The following NCEH1 variants were observed in gnomAD, a reference collection of about 807,000 sequenced individuals.
The protein encoded by NCEH1 is 2-acetyl MAGE hydrolase.
Under a neutral mutation model 25.4 loss-of-function variants are expected in NCEH1, and 9 were observed. The ratio of observed to expected loss-of-function variants is 0.35; its 90% CI spans 0.21 to 0.62. The LOEUF (loss-of-function observed/expected upper bound fraction) is 0.62. Ranked by LOEUF, NCEH1 falls within the 20% of genes least tolerant of loss-of-function variation. NCEH1 has a pLI of 0.72. For missense variants in NCEH1, 412 were observed against 501.1 expected (o/e 0.82, Z 1.70); for synonymous variants, 200 against 199.8 (o/e 1.00, Z -0.01).
At chr3:172,654,303 T>C (rs11922092) in intron 1 of NCEH1, among the ~76,000 whole-genome samples, 7,926 of 152,206 alleles carry the variant, frequency 0.052, 380 homozygotes, top group African/African-American at 0.13. Context: ...ATGGAAGTAA[T>C]TATACACATG....
chr3:172,633,464 G>T lies in NCEH1; in HGVS notation c.*11C>A. ...CAAGAGGGGCTCGAGGCTTCTGGAAGTTTTGCTCCTTTACAGGTTTTGATC... is the reference window on the plus strand; with the variant it reads ...CAAGAGGGGCTCGAGGCTTCTGGAATTTTTGCTCCTTTACAGGTTTTGATC... On this transcript the variant is annotated 3_prime_UTR_variant, in exon 5 of 5. Transcript: ENST00000475381. The T allele has an allele frequency of 6.2e-7, 1 of 1,607,354 alleles. No individual in the cohort carries two copies. Among genetic ancestry groups the T allele is most frequent in the South Asian group, 1.1e-5 (1 of 90,322 alleles).
At position 172,710,919 on chromosome 3, in the gene NCEH1, C is replaced by A. The variant is rs373957412; in HGVS notation, c.66G>T (p.Pro22=). 46 of 1,614,064 alleles carry A rather than the reference C, an allele frequency of 2.8e-5. No homozygotes were observed. Among genetic ancestry groups the A allele is most frequent in the Non-Finnish European group, 3.6e-5 (43 of 1,179,976 alleles). Residue 22 remains proline (P), a synonymous_variant, in exon 1 of 5, where the codon CCG becomes CCT. Coordinates refer to ENST00000475381, the MANE Select transcript of NCEH1 (RefSeq NM_020792.6). ...VALAAYYVYI[P]LPGSVSDPWK... ...AGGGGTCGGACACGGAGCCAGGCAG[C>A]GGGATGTAGACGTAATAGGCGGCCA...
At chr3:172,692,093 A>G (rs1400387332) in intron 1 of NCEH1, among the ~76,000 whole-genome samples, 1 of 152,196 alleles carries the variant, frequency 6.6e-6, no homozygotes, top group Non-Finnish European at 1.5e-5. Flanking sequence ...CAAACATTCA[A>G]GAAGCCTTTG....
intron 1 of NCEH1, among the ~76,000 whole-genome samples, chr3:172,702,942 T>C (rs540648069): frequency 6.6e-6 from 1 of 152,230 alleles, no homozygotes; most frequent in African/African-American, 2.4e-5. Context: ...CAGTGAGCTG[T>C]GATCACACCA....
At chr3:172,635,553 A>C (rs1208190504) in intron 4 of NCEH1, among the ~76,000 whole-genome samples, 1 of 152,206 alleles carries the variant, frequency 6.6e-6, no homozygotes. Flanking sequence ...TGTAAGGAAC[A>C]ATCTTAGGAA....
chr3:172,686,928 TA>T (rs1712732564), intron 1 of NCEH1, among the ~76,000 whole-genome samples: 1 of 152,158 alleles, frequency 6.6e-6, no homozygotes, highest in Non-Finnish European at 1.5e-5. Context: ...GACTAACATG[TA>T]GGAGTTTTAA....
chr3:172,638,121 C>CATTT (rs1716678371), intron 3 of NCEH1, among the ~76,000 whole-genome samples: 1 of 151,796 alleles, frequency 6.6e-6, no homozygotes, highest in Non-Finnish European at 1.5e-5. Context: ...TTGTGAAATA[C>CATTT]GTTGACAAGT....
intron 1 of NCEH1, among the ~76,000 whole-genome samples, chr3:172,669,220 C>T (rs192656997): frequency 6.6e-6 from 1 of 152,158 alleles, no homozygotes; most frequent in African/African-American, 2.4e-5. Context: ...GTCCACTGTT[C>T]GTGTGGGCAG....
chr3:172,633,141 A>C lies in NCEH1; in HGVS notation c.*334T>G, dbSNP rs1716439037. ...TCCAGAGCTGGAAGAACTGCTTCTA[A>C]AAAGAACGTCCTAATGAAGGCAGGA... On this transcript the variant is annotated 3_prime_UTR_variant, in exon 5 of 5. Transcript: ENST00000475381. 2 of 258,026 alleles carry C rather than the reference A, an allele frequency of 7.8e-6. No individual in the cohort carries two copies. Among genetic ancestry groups the C allele is most frequent in the East Asian group, 2.0e-4 (2 of 10,214 alleles). 16.0% of individuals were successfully genotyped at this position (258,026 alleles called of 1,614,324 possible).
intron 1 of NCEH1, among the ~76,000 whole-genome samples, chr3:172,702,828 TAAAAA>T (rs984051491): frequency 6.6e-6 from 1 of 150,848 alleles, no homozygotes; most frequent in African/African-American, 2.4e-5. Flanking sequence ...TCCTAAAAAA[TAAAAA>T]AAGAAAAATA....
rs537911589 is a variant in NCEH1, at chr3:172,631,278, A to T, written c.*2197T>A. 1 of 152,362 alleles carries T rather than the reference A, an allele frequency of 6.6e-6. No individual in the cohort carries two copies. Among genetic ancestry groups the T allele is most frequent in the South Asian group, 2.1e-4 (1 of 4,826 alleles). The allele number at this position is 152,362 out of a possible 1,614,324, so 9.4% of individuals were successfully genotyped here. ...TTTATTTTCTTTTTCTTCGAGACAGACAACCTCAAAATAAGGTCCAAATAT... is the reference window on the plus strand; with the variant it reads ...TTTATTTTCTTTTTCTTCGAGACAGTCAACCTCAAAATAAGGTCCAAATAT... On this transcript the variant is annotated 3_prime_UTR_variant, in exon 5 of 5. Coordinates refer to ENST00000475381, the MANE Select transcript of NCEH1 (RefSeq NM_020792.6).
chr3:172,686,565 T>C (rs1319118866), intron 1 of NCEH1, among the ~76,000 whole-genome samples: 1 of 152,218 alleles, frequency 6.6e-6, no homozygotes, highest in Non-Finnish European at 1.5e-5. Flanking sequence ...TGCTCGATAC[T>C]GGGATGTGGA....
At chr3:172,649,777 C>T (rs1243598485) in intron 1 of NCEH1, among the ~76,000 whole-genome samples, 2 of 152,206 alleles carry the variant, frequency 1.3e-5, no homozygotes, top group African/African-American at 2.4e-5. Flanking sequence ...AACATGCAAG[C>T]TCCATTCCAC....
intron 1 of NCEH1, among the ~76,000 whole-genome samples, chr3:172,699,036 G>A (rs933982416): frequency 2.0e-5 from 3 of 152,156 alleles, no homozygotes; most frequent in Non-Finnish European, 2.9e-5. Context: ...TGGGGAGCCT[G>A]TACATAAGTA....
intron 1 of NCEH1, among the ~76,000 whole-genome samples, chr3:172,682,038 A>G: frequency 6.6e-6 from 1 of 151,494 alleles, no homozygotes; most frequent in East Asian, 1.9e-4. Context: ...GGGCAGAAAA[A>G]GCAGAACACA....
intron 1 of NCEH1, among the ~76,000 whole-genome samples, chr3:172,666,412 C>A (rs1718210903): frequency 6.6e-6 from 1 of 152,138 alleles, no homozygotes; most frequent in Non-Finnish European, 1.5e-5. Flanking sequence ...CCAGACACTG[C>A]CCCCTGCAGC....
intron 3 of NCEH1, among the ~76,000 whole-genome samples, chr3:172,640,318 G>T (rs1399799887): frequency 1.3e-5 from 2 of 152,134 alleles, no homozygotes; most frequent in Non-Finnish European, 2.9e-5. Flanking sequence ...CACTGTCTTA[G>T]GGGTATTTTT....
At chr3:172,697,680 A>AG (rs1713448296) in intron 1 of NCEH1, among the ~76,000 whole-genome samples, 1 of 152,132 alleles carries the variant, frequency 6.6e-6, no homozygotes, top group Non-Finnish European at 1.5e-5. Flanking sequence ...GAGAGGAGGG[A>AG]GAAGGGGAAG....
At chr3:172,678,842 G>A (rs959942588) in intron 1 of NCEH1, among the ~76,000 whole-genome samples, 3 of 152,098 alleles carry the variant, frequency 2.0e-5, no homozygotes, top group African/African-American at 4.8e-5. Flanking sequence ...CCTCACCCCC[G>A]TTTGAAATGC....
Sources: gnomAD v4.1 joint callset for allele counts (sites outside exome capture counted in the v4.1 genomes callset) on GRCh38, gnomAD v4.1.1 for gene constraint, MANE v1.5 for transcripts, NCBI Gene and HGNC (gene_info 2026-07-23, HGNC 2026-07-21) for gene names.